The following ZNF549 variants were observed in gnomAD, a reference collection of about 807,000 sequenced individuals.
ZNF549 encodes zinc finger protein 549.
ZNF549 carries 11 observed loss-of-function variants against 11.1 expected under a neutral mutation model. The ratio of observed to expected loss-of-function variants is 0.99; its 90% CI spans 0.62 to 1.64. The LOEUF is 1.64. ZNF549 is among the 40% of genes most tolerant of loss of function. The pLI is 0.00. For missense variants in ZNF549, 748 were observed against 765.1 expected, an observed-to-expected ratio of 0.98 and a Z score of 0.26; for synonymous variants, 266 against 269.1, an observed-to-expected ratio of 0.99 and a Z score of 0.11.
At position 57,538,844 on chromosome 19, in the gene ZNF549, G is replaced by A. The variant is rs1300033386; in HGVS notation, c.1840G>A (p.Glu614Lys). 6.2e-7 allele frequency: 1 copy of A among 1,613,688 alleles called. No individual in the cohort carries two copies. The highest frequency in any genetic ancestry group is 1.3e-5 in the African/African-American group (1 of 75,060). Residue 614 changes from glutamate (E) to lysine (K), a missense_variant, in exon 4 of 4, where the codon GAA becomes AAA. Physicochemically the swap from Glu to Lys is moderately conservative, Grantham distance 56. Coordinates refer to ENST00000376233, the MANE Select transcript of ZNF549 (RefSeq NM_001199295.2). ...QRIHTGEKPY[E>K]CGKCGKAFNK... is the part of the protein sequence containing the mutation. Reference sequence around the variant, plus strand: ...AATCCACACCGGAGAAAAGCCGTATGAATGTGGTAAATGTGGGAAAGCCTT... The same window carrying A: ...AATCCACACCGGAGAAAAGCCGTATAAATGTGGTAAATGTGGGAAAGCCTT...
chr19:57,531,209 C>A, intron 2 of ZNF549, 101 bp downstream of exon 2: 1 of 1,346,216 alleles, frequency 7.4e-7, no homozygotes, highest in Non-Finnish European at 1.0e-6. Flanking sequence ...ACTCTTTTTC[C>A]TTCATCTTGG....
chr19:57,535,047 G>A (rs1056658010), intron 2 of ZNF549, 97 bp from the exon 3 acceptor site: 18 of 1,498,870 alleles, frequency 1.2e-5, no homozygotes, highest in Non-Finnish European at 1.6e-5. Context: ...TAAGGACCTG[G>A]TATCTCCTCT....
intron 1 of ZNF549, 65 bp downstream of exon 1, chr19:57,527,671 G>T: frequency 1.3e-6 from 2 of 1,580,350 alleles, no homozygotes; most frequent in East Asian, 4.7e-5. Context: ...CACCTGCGTG[G>T]GTCTCTGCAG....
intron 1 of ZNF549, among the ~76,000 whole-genome samples, chr19:57,529,852 C>T (rs554639599): frequency 4.1e-4 from 62 of 152,162 alleles, no homozygotes; most frequent in African/African-American, 1.5e-3. Flanking sequence ...CACCACTACA[C>T]TCCAGCCTGG....
At position 57,531,085 on chromosome 19, in the gene ZNF549, GA is replaced by G; in HGVS notation, c.51del (p.Glu18SerfsTer3). 1 of 1,598,376 alleles carries G rather than the reference GA, an allele frequency of 6.3e-7. No homozygotes were observed. Among genetic ancestry groups the G allele is most frequent in the Admixed American group, 1.7e-5 (1 of 60,014 alleles). On this transcript the variant is annotated frameshift_variant, in exon 2 of 4. Coordinates refer to ENST00000376233, the MANE Select transcript of ZNF549 (RefSeq NM_001199295.2). LOFTEE classifies it high-confidence loss of function. The stretch of plus-strand genomic sequence containing the variant: ...CTTCCTACAGATTCCCATGGTAACA[GA>G]AGAGTTTGTGAAACCATCACAGGTA... ...VITPQIPMVT[E>X]EFVKPSQGHV...
chr19:57,534,827 CA>C (rs1205915938), intron 2 of ZNF549, among the ~76,000 whole-genome samples: 1 of 152,180 alleles, frequency 6.6e-6, no homozygotes, highest in African/African-American at 2.4e-5. Flanking sequence ...CAGTGGAGTT[CA>C]AGGTGTAGCA....
chr19:57,538,401 TTCACA>T lies in ZNF549; in HGVS notation c.1398_1402del (p.His467TrpfsTer6). 1 of 1,614,136 alleles carries T rather than the reference TTCACA, an allele frequency of 6.2e-7. No homozygotes were observed. The highest frequency in any genetic ancestry group is 8.5e-7 in the Non-Finnish European group (1 of 1,180,022). On this transcript the variant is annotated frameshift_variant, in exon 4 of 4. Coordinates refer to ENST00000376233, the MANE Select transcript of ZNF549 (RefSeq NM_001199295.2). LOFTEE classifies it low-confidence loss of function (END_TRUNC). ...TCTGACTACATGCGACACCAGAGAA[TTCACA>T]CTGGAGAAAGGGCTTATGAATGCAG...
rs549250824 is a variant in ZNF549, at chr19:57,527,807, G to C, written c.33+201G>C. Among the ~76,000 whole-genome samples the C allele has an allele frequency of 4.6e-5, 7 of 152,294 alleles. No homozygotes were observed. In the East Asian group the frequency reaches 1.2e-3, roughly 25 times the overall value. On this transcript the variant is annotated intron_variant, in intron 1 of 3. Transcript: ENST00000376233. ...TGCACGCGCAGAGCCTGGGAGGTGC[G>C]CCGGGGTCGCGAGCATTCGGAAACT...
chr19:57,527,633 C>T (rs374580008), intron 1 of ZNF549, 27 bp downstream of exon 1: 9 of 1,611,638 alleles, frequency 5.6e-6, no homozygotes, highest in African/African-American at 1.3e-5. Flanking sequence ...CGGATCCTCA[C>T]CTGGGTCCTG....
intron 1 of ZNF549, among the ~76,000 whole-genome samples, chr19:57,529,263 C>T (rs1444233953): frequency 6.6e-6 from 1 of 152,196 alleles, no homozygotes; most frequent in Non-Finnish European, 1.5e-5. Context: ...GGATACCTTT[C>T]AAGAACCCCA....
rs766987686 is a variant in ZNF549 at position 57,538,008 on chromosome 19, A to T, written c.1004A>T (p.Asn335Ile). The T allele has an allele frequency of 3.1e-6, 5 of 1,613,768 alleles. No individual in the cohort carries two copies. Among genetic ancestry groups the T allele is most frequent in the Non-Finnish European group, 4.2e-6 (5 of 1,179,930 alleles). The change falls in exon 4 of 4, where the codon AAT becomes ATT. Residue 335 changes from asparagine to isoleucine, a missense_variant. By Grantham distance (149) the Asn-to-Ile change is moderately radical (BLOSUM62 -3). Coordinates refer to ENST00000376233, the MANE Select transcript of ZNF549 (RefSeq NM_001199295.2). ...THNGEKPYVC[N>I]VCGKSFRHKQ... ...AATGGAGAAAAGCCTTATGTGTGCAATGTATGTGGGAAATCATTCCGCCAC... is the reference window on the plus strand; with the variant it reads ...AATGGAGAAAAGCCTTATGTGTGCATTGTATGTGGGAAATCATTCCGCCAC...
chr19:57,531,763 C>G (rs187751325), intron 2 of ZNF549, among the ~76,000 whole-genome samples: 2 of 152,188 alleles, frequency 1.3e-5, no homozygotes, highest in South Asian at 4.1e-4. Flanking sequence ...ATTGGACAAA[C>G]GGATGATTCA....
intron 1 of ZNF549, among the ~76,000 whole-genome samples, chr19:57,529,039 C>G (rs560355871): frequency 1.4e-4 from 22 of 152,210 alleles, no homozygotes; most frequent in African/African-American, 4.8e-4. Flanking sequence ...TTTTACTGTA[C>G]CTTTTCATTT....
rs571600779 is a variant in ZNF549, at chr19:57,529,303, A to G, written c.33+1697A>G. ...AGGCTTGAAACTGCAGATAGTACCC[A>G]ACCTATATATACTATGTTTCTTCCT... is the stretch of plus-strand genomic sequence containing the variant. On this transcript the variant is annotated intron_variant, in intron 1 of 3. Transcript: ENST00000376233. 3.9e-5 allele frequency among the ~76,000 whole-genome samples: 6 copies of G among 152,294 alleles called. No homozygotes were observed. In the South Asian group the frequency reaches 1.2e-3, roughly 32 times the overall value.
chr19:57,540,059 G>A lies in ZNF549; in HGVS notation c.*1132G>A, dbSNP rs964226109. 2.0e-5 allele frequency: 3 copies of A among 152,200 alleles called. No individual in the cohort carries two copies. Among genetic ancestry groups the A allele is most frequent in the African/African-American group, 7.2e-5 (3 of 41,446 alleles). 9.4% of individuals were successfully genotyped at this position (152,200 alleles called of 1,614,324 possible). ...AAGATTTTGTGGACTCATAACTTAT[G>A]TACTGTTTTTGAGATGATTGCTGCA... On this transcript the variant is annotated 3_prime_UTR_variant, in exon 4 of 4. Coordinates refer to ENST00000376233, the MANE Select transcript of ZNF549 (RefSeq NM_001199295.2).
Position 57,531,006 on chromosome 19 carries a change from G to A in ZNF549, c.34-64G>A, listed in dbSNP as rs2089901608. The stretch of plus-strand genomic sequence containing the variant: ...GTCTAGTGTCACACAGTTGGCAAGA[G>A]CAACTTACCCTTTGTAAATGCCACC... On this transcript the variant is annotated intron_variant, in intron 1 of 3. Transcript: ENST00000376233. 5.9e-6 allele frequency: 9 copies of A among 1,532,298 alleles called. No individual in the cohort carries two copies. The Admixed American group carries it at 8.4e-5, about 14-fold the overall frequency. 94.9% of individuals were successfully genotyped at this position (1,532,298 alleles called of 1,614,324 possible).
At chr19:57,534,844 G>T (rs770186589) in intron 2 of ZNF549, among the ~76,000 whole-genome samples, 1 of 152,198 alleles carries the variant, frequency 6.6e-6, no homozygotes, top group Non-Finnish European at 1.5e-5. Context: ...TAGCAGTCAC[G>T]ATCTGGAGAT....
intron 1 of ZNF549, among the ~76,000 whole-genome samples, chr19:57,529,784 G>T (rs1048095485): frequency 2.6e-5 from 4 of 152,144 alleles, no homozygotes; most frequent in Non-Finnish European, 5.9e-5. Flanking sequence ...TACTCCGGAG[G>T]CTGAGGCAGG....
Position 57,537,315 on chromosome 19 carries a change from AT to A in ZNF549, c.313del (p.Ser105LeufsTer9). On this transcript the variant is annotated frameshift_variant, in exon 4 of 4. Transcript: ENST00000376233. LOFTEE classifies it low-confidence loss of function (END_TRUNC). ...PKLGPSIPNA[H>X]SCEMCILVMK... ...CTAGGTCCTTCCATCCCAAATGCTC[AT>A]TCTTGTGAGATGTGTATCCTGGTCA... 1 of 1,614,222 alleles carries A rather than the reference AT, an allele frequency of 6.2e-7. No individual in the cohort carries two copies. The highest frequency in any genetic ancestry group is 2.2e-5 in the East Asian group (1 of 44,876).
Sources: allele counts gnomAD v4.1 joint callset (sites outside exome capture counted in the v4.1 genomes callset), GRCh38; gene constraint gnomAD v4.1.1; transcripts MANE v1.5; gene names NCBI Gene and HGNC (gene_info 2026-07-23, HGNC 2026-07-21).